The following RASIP1 variants were observed in gnomAD, a reference collection of about 807,000 sequenced individuals.
RASIP1 encodes Ras interacting protein 1.
Under a neutral mutation model 85.3 loss-of-function variants are expected in RASIP1, and 20 were observed. The observed-to-expected ratio is 0.23, with a 90% confidence interval of 0.17 to 0.34. RASIP1 has a LOEUF of 0.34. Among genes scored for constraint, RASIP1 ranks in the 10% least tolerant of loss-of-function variants. The pLI is 1.00. For missense variants in RASIP1, 1,170 were observed against 1,390.9 expected, an observed-to-expected ratio of 0.84 and a Z score of 2.53; for synonymous variants, 617 against 647.1, an observed-to-expected ratio of 0.95 and a Z score of 0.71.
At position 48,729,337 on chromosome 19, in the gene RASIP1, C is replaced by A; in HGVS notation, c.1433G>T (p.Gly478Val). The change falls in exon 5 of 12, where the codon GGG becomes GTG. Residue 478 changes from glycine to valine, a missense_variant. By Grantham distance (109) the Gly-to-Val change is moderately radical (BLOSUM62 -3). Transcript: ENST00000222145. ...EAELHPGDLL[G>V]LGEHFLFMYK... is the part of the protein sequence containing the mutation. Reference sequence around the variant, plus strand: ...CATGAACAGGAAGTGCTCGCCCAGCCCCAGGAGGTCGCCCGGGTGCAGCTC... The same window carrying A: ...CATGAACAGGAAGTGCTCGCCCAGCACCAGGAGGTCGCCCGGGTGCAGCTC... 1 of 1,560,440 alleles carries A rather than the reference C, an allele frequency of 6.4e-7. No individual in the cohort carries two copies. The highest frequency in any genetic ancestry group is 2.4e-5 in the East Asian group (1 of 42,052).
chr19:48,720,996 C>A lies in RASIP1; in HGVS notation c.2694G>T (p.Gly898=). The A allele has an allele frequency of 6.3e-7, 1 of 1,592,708 alleles. No individual in the cohort carries two copies. The highest frequency in any genetic ancestry group is 8.5e-7 in the Non-Finnish European group (1 of 1,170,062). Residue 898 remains glycine (G), a splice_region_variant and synonymous_variant, in exon 12 of 12, where the codon GGG becomes GGT. Coordinates refer to ENST00000222145, the MANE Select transcript of RASIP1 (RefSeq NM_017805.3). ...PPAEREAVDT[G]DIFESFSSHP... is the part of the protein sequence containing the mutation. ...GCGAGGAGAAGCTTTCGAAGATGTCCCCTGTGAGGCCGAAGGCGGCGCGGT... is the reference window on the plus strand; with the variant it reads ...GCGAGGAGAAGCTTTCGAAGATGTCACCTGTGAGGCCGAAGGCGGCGCGGT...
At chr19:48,722,088 G>T in intron 10 of RASIP1, 87 bp from the exon 11 acceptor site, 1 of 1,266,924 alleles carries the variant, frequency 7.9e-7, no homozygotes, top group African/African-American at 1.6e-5. Context: ...GGGAGTGGGT[G>T]TGGTGGGAAG....
chr19:48,720,797 C>T lies in RASIP1; in HGVS notation c.*1G>A, dbSNP rs1285679346. ...TTCGCGCGCTCGTTTGGTATTGGTT[C>T]TCAAGGAGACGTGGCCACGGGAGGC... On this transcript the variant is annotated 3_prime_UTR_variant, in exon 12 of 12. Transcript: ENST00000222145. 1.2e-6 allele frequency: 2 copies of T among 1,614,030 alleles called. No individual in the cohort carries two copies. Among genetic ancestry groups the T allele is most frequent in the South Asian group, 1.1e-5 (1 of 91,074 alleles).
Position 48,739,055 on chromosome 19 carries a change from C to T in RASIP1, c.728G>A (p.Arg243Gln), listed in dbSNP as rs1280016347. Residue 243 changes from arginine to glutamine, a missense_variant, in exon 3 of 12, where the codon CGG becomes CAG. This residue lies in a region of RASIP1 where 299 missense variants were observed against 394.4 expected (regional missense o/e 0.76). Coordinates refer to ENST00000222145, the MANE Select transcript of RASIP1 (RefSeq NM_017805.3). The surrounding 1 kb of genome is among the most constrained non-coding windows in gnomAD (Gnocchi z 9.2). ...GCGCCGCGCCCAGCCGGGCCGCGCC[C>T]GCCACAGCTCCTGCACCAGCAGCGG... ...ERPLLVQELWRARPGWARRFE... is the reference protein window; with the variant it reads ...ERPLLVQELWQARPGWARRFE... 8.7e-6 allele frequency: 11 copies of T among 1,259,808 alleles called. No individual in the cohort carries two copies. The highest frequency in any genetic ancestry group is 1.1e-5 in the Non-Finnish European group (11 of 1,006,522). 78.0% of individuals were successfully genotyped at this position (1,259,808 alleles called of 1,614,324 possible).
In RASIP1 at chr19:48,729,005, C is replaced by T; in HGVS notation, c.1765G>A (p.Glu589Lys). Residue 589 changes from glutamate (E) to lysine (K), a missense_variant, in exon 5 of 12, where the codon GAG (glutamate) becomes AAG (lysine). Physicochemically the swap from Glu to Lys is moderately conservative, Grantham distance 56. Around this residue, in one of 4 missense-constraint regions of RASIP1, gnomAD observed 426 missense variants for 576.2 expected, o/e 0.74. Transcript: ENST00000222145. ...LALCVQHSAR[E>K]LELGHLPRLL... ...CGTGGCAGGTGGCCCAGCTCCAGCT[C>T]ACGGGCGGAATGCTGCACGCACAGC... The T allele has an allele frequency of 3.4e-6, 5 of 1,452,088 alleles. No homozygotes were observed. The highest frequency in any genetic ancestry group is 3.6e-6 in the Non-Finnish European group (4 of 1,111,234). The allele number at this position is 1,452,088 out of a possible 1,614,324, so 90.0% of individuals were successfully genotyped here.
At chr19:48,733,488 A>G (rs970332608) in intron 4 of RASIP1, among the ~76,000 whole-genome samples, 10 of 152,130 alleles carry the variant, frequency 6.6e-5, no homozygotes, top group South Asian at 4.1e-4. Context: ...AATTGTTCCA[A>G]TGTAAAGCAT....
chr19:48,735,140 C>G, intron 4 of RASIP1, 56 bp downstream of exon 4: 1 of 1,476,260 alleles, frequency 6.8e-7, no homozygotes, highest in South Asian at 1.3e-5. Flanking sequence ...TTGTTGCTCA[C>G]CCACCAACAG....
At chr19:48,731,189 G>A (rs572165394) in intron 4 of RASIP1, among the ~76,000 whole-genome samples, 2 of 152,270 alleles carry the variant, frequency 1.3e-5, no homozygotes, top group East Asian at 1.9e-4. Context: ...CGGGAAAATC[G>A]CTTGAACCTG....
chr19:48,720,917 C>T lies in RASIP1; in HGVS notation c.2773G>A (p.Val925Met). 6.2e-7 allele frequency: 1 copy of T among 1,613,846 alleles called. No homozygotes were observed. Among genetic ancestry groups the T allele is most frequent in the Non-Finnish European group, 8.5e-7 (1 of 1,179,978 alleles). ...GSSRLRLTGP[V>M]TDDALHRELR... ...TCACGGTGCAAGGCATCGTCCGTCACTGGACCAGTGAGGCGCAGGCGCGAG... is the reference window on the plus strand; with the variant it reads ...TCACGGTGCAAGGCATCGTCCGTCATTGGACCAGTGAGGCGCAGGCGCGAG... Residue 925 changes from valine (V) to methionine (M), a missense_variant, in exon 12 of 12, where the codon GTG (valine) becomes ATG (methionine). Physicochemically the swap from Val to Met is conservative, Grantham distance 21 (BLOSUM62 1). Coordinates refer to ENST00000222145, the MANE Select transcript of RASIP1 (RefSeq NM_017805.3).
In RASIP1 at chr19:48,739,389, C is replaced by A. The variant is rs2033629481; in HGVS notation, c.394G>T (p.Ala132Ser). Reference protein sequence around the residue: ...KKLPELAAGVAPEPPLATRAT... With the variant: ...KKLPELAAGVSPEPPLATRAT... The stretch of plus-strand genomic sequence containing the variant: ...CGGGTAGCCAGCGGGGGCTCGGGGG[C>A]CACGCCCGCCGCCAGCTCCGGCAGC... The change falls in exon 3 of 12, where the codon GCC becomes TCC. Residue 132 changes from alanine to serine, a missense_variant. By Grantham distance (99) the Ala-to-Ser change is moderately conservative (BLOSUM62 1). Transcript: ENST00000222145. This position sits in a 1 kb window ranked among gnomAD's most constrained non-coding sequence, Gnocchi z 9.2. 7.4e-7 allele frequency: 1 copy of A among 1,347,000 alleles called. No homozygotes were observed. Among genetic ancestry groups the A allele is most frequent in the Non-Finnish European group, 9.5e-7 (1 of 1,054,848 alleles). 83.4% of individuals were successfully genotyped at this position (1,347,000 alleles called of 1,614,324 possible).
At chr19:48,723,554 C>A (rs1388492367) in intron 10 of RASIP1, among the ~76,000 whole-genome samples, 2 of 103,586 alleles carry the variant, frequency 1.9e-5, no homozygotes, top group African/African-American at 7.5e-5. Context: ...AGTGAGACTC[C>A]GTCTCAAAAA....
In RASIP1 at chr19:48,724,188, T is replaced by A; in HGVS notation, c.2544+149A>T. 1.3e-6 allele frequency: 1 copy of A among 744,704 alleles called. No individual in the cohort carries two copies. Among genetic ancestry groups the A allele is most frequent in the Non-Finnish European group, 2.1e-6 (1 of 467,838 alleles). 46.1% of individuals were successfully genotyped at this position (744,704 alleles called of 1,614,324 possible). On this transcript the variant is annotated intron_variant, in intron 10 of 11. Transcript: ENST00000222145. This position sits in a 1 kb window ranked among gnomAD's most constrained non-coding sequence, Gnocchi z 4.6. Reference sequence around the variant, plus strand: ...TTGTTGGTGCTGGCTTCCTTCTACCTGCCAATGTGTTACCCACAGTGTCTG... The same window carrying A: ...TTGTTGGTGCTGGCTTCCTTCTACCAGCCAATGTGTTACCCACAGTGTCTG...
rs189636179 is a variant in RASIP1, at chr19:48,739,706, G to A, written c.138-61C>T. 198 of 1,364,966 alleles carry A rather than the reference G, an allele frequency of 1.5e-4. No homozygotes were observed. The highest frequency in any genetic ancestry group is 1.7e-4 in the Non-Finnish European group (183 of 1,060,310). 84.6% of individuals were successfully genotyped at this position (1,364,966 alleles called of 1,614,324 possible). On this transcript the variant is annotated intron_variant, in intron 2 of 11. Transcript: ENST00000222145. The surrounding 1 kb of genome is among the most constrained non-coding windows in gnomAD (Gnocchi z 9.2). ...AGACCCAGGACGACACGCCAAGACG[G>A]GGGTGGGGGCATATTAGGAGGGAAG...
Position 48,727,402 on chromosome 19 carries a change from T to G in RASIP1, c.1862A>C (p.Gln621Pro), listed in dbSNP as rs1221276956. The G allele has an allele frequency of 6.2e-7, 1 of 1,613,960 alleles. No homozygotes were observed. The highest frequency in any genetic ancestry group is 2.2e-5 in the East Asian group (1 of 44,898). The change falls in exon 6 of 12, where the codon CAG becomes CCG. Residue 621 changes from glutamine (Q) to proline (P), a missense_variant. By Grantham distance (76) the Gln-to-Pro change is moderately conservative (BLOSUM62 -1). Transcript: ENST00000222145. ...TCAGAATTTCTCTTACTTTTCTGGCTGACGGTCTCCAATTTCCTTAATCTT... is the reference window on the plus strand; with the variant it reads ...TCAGAATTTCTCTTACTTTTCTGGCGGACGGTCTCCAATTTCCTTAATCTT... ...WEKIKEIGDR[Q>P]PENHPEGVPE...
intron 4 of RASIP1, among the ~76,000 whole-genome samples, chr19:48,731,032 G>T (rs987733914): frequency 6.6e-6 from 1 of 152,104 alleles, no homozygotes; most frequent in East Asian, 1.9e-4. Flanking sequence ...GCCGGGCGCA[G>T]TGGAGACCAA....
intron 4 of RASIP1, among the ~76,000 whole-genome samples, 190 bp from the exon 5 acceptor site, chr19:48,729,780 T>G (rs896137667): frequency 7.0e-6 from 1 of 143,294 alleles, no homozygotes; most frequent in East Asian, 2.2e-4. Context: ...AGTGGCACGA[T>G]CTCGGCTCAC....
chr19:48,723,311 G>A (rs1336526843), intron 10 of RASIP1, among the ~76,000 whole-genome samples: 1 of 152,152 alleles, frequency 6.6e-6, no homozygotes, highest in Non-Finnish European at 1.5e-5. Flanking sequence ...TGTAATCCCA[G>A]CACTTTGGGA....
chr19:48,725,071 G>A, intron 8 of RASIP1, 111 bp from the exon 9 acceptor site: 1 of 1,344,178 alleles, frequency 7.4e-7, no homozygotes, highest in East Asian at 2.4e-5. Context: ...TCTGGGAGTT[G>A]TAGTCCATTC....
chr19:48,724,259 T>G lies in RASIP1; in HGVS notation c.2544+78A>C. ...TGGGGTTCAAGGGGAGCTCTGACGG[T>G]GAGCTGAATATAGAAGGTGGCTGAG... is the stretch of plus-strand genomic sequence containing the variant. On this transcript the variant is annotated intron_variant, in intron 10 of 11. Coordinates refer to ENST00000222145, the MANE Select transcript of RASIP1 (RefSeq NM_017805.3). This position sits in a 1 kb window ranked among gnomAD's most constrained non-coding sequence, Gnocchi z 4.6. The G allele has an allele frequency of 1.5e-4, 222 of 1,464,042 alleles. No homozygotes were observed. The highest frequency in any genetic ancestry group is 1.9e-4 in the Non-Finnish European group (203 of 1,072,508). 90.7% of individuals were successfully genotyped at this position (1,464,042 alleles called of 1,614,324 possible).
Sources: allele counts gnomAD v4.1 joint callset (sites outside exome capture counted in the v4.1 genomes callset), GRCh38; gene constraint gnomAD v4.1.1; regional missense constraint gnomAD v4.1.1; non-coding constraint Gnocchi (gnomAD v3.1); transcripts MANE v1.5; gene names NCBI Gene and HGNC (gene_info 2026-07-23, HGNC 2026-07-21).